XPO4: variants seen among roughly 807,000 people sequenced by gnomAD.
XPO4 encodes the protein exportin 4, also known as exportin-4.
In XPO4, 39 loss-of-function variants were observed where a neutral mutation model predicts 143.0. The ratio of observed to expected loss-of-function variants is 0.27; its 90% CI spans 0.21 to 0.36. XPO4 has a LOEUF of 0.36. Among genes scored for constraint, XPO4 ranks in the 10% least tolerant of loss-of-function variants. XPO4 has a pLI of 1.00. For synonymous variants in XPO4, 439 were observed against 474.0 expected, an observed-to-expected ratio of 0.93 and a Z score of 0.96; for missense variants, 907 against 1,348.0, an observed-to-expected ratio of 0.67 and a Z score of 5.12.
chr13:20,872,509 A>T (rs1007080231), intron 1 of XPO4, among the ~76,000 whole-genome samples: 3 of 152,198 alleles, frequency 2.0e-5, no homozygotes, highest in African/African-American at 7.2e-5. Flanking sequence ...AATAGCAACT[A>T]ACATTTATTG....
At chr13:20,860,304 A>G (rs1311772645) in intron 3 of XPO4, among the ~76,000 whole-genome samples, 1 of 152,238 alleles carries the variant, frequency 6.6e-6, no homozygotes, top group Non-Finnish European at 1.5e-5. Context: ...AAACTTCTAT[A>G]AACACAGAGG....
chr13:20,795,900 G>C (rs1206734024), intron 18 of XPO4, among the ~76,000 whole-genome samples, 176 bp downstream of exon 18: 1 of 152,154 alleles, frequency 6.6e-6, no homozygotes, highest in South Asian at 2.1e-4. Flanking sequence ...TCTTACAAGA[G>C]GAAAGGCAAG....
At chr13:20,844,335 T>C (rs1177763161) in intron 4 of XPO4, among the ~76,000 whole-genome samples, 2 of 152,212 alleles carry the variant, frequency 1.3e-5, no homozygotes, top group African/African-American at 4.8e-5. Flanking sequence ...GTAAAATGCA[T>C]TCCCAAATAG....
intron 7 of XPO4, among the ~76,000 whole-genome samples, chr13:20,823,930 G>C (rs1288543473): frequency 6.6e-6 from 1 of 152,200 alleles, no homozygotes; most frequent in African/African-American, 2.4e-5. Context: ...GGGATTACAG[G>C]CATGAGCCAC....
At chr13:20,894,268 A>G (rs758705655) in intron 1 of XPO4, among the ~76,000 whole-genome samples, 4 of 152,236 alleles carry the variant, frequency 2.6e-5, no homozygotes, top group African/African-American at 4.8e-5. Context: ...AAACAGAGAA[A>G]GAGTGAATCC....
chr13:20,793,125 CTT>C (rs1035459479), intron 18 of XPO4, among the ~76,000 whole-genome samples: 2 of 152,168 alleles, frequency 1.3e-5, no homozygotes, highest in African/African-American at 4.8e-5. Context: ...AGTCCATTAA[CTT>C]TGTTTTACAA....
rs924706518 is a variant in XPO4, at chr13:20,781,621, T to G, written c.*2101A>C. The G allele has an allele frequency of 3.3e-5, 5 of 152,478 alleles. No individual in the cohort carries two copies. Among genetic ancestry groups the G allele is most frequent in the African/African-American group, 1.2e-4 (5 of 41,444 alleles). The allele number at this position is 152,478 out of a possible 1,614,324, so 9.4% of individuals were successfully genotyped here. A position where few individuals can be genotyped will look rare whatever the true frequency, so the allele number is the denominator to read the frequency against. On this transcript the variant is annotated 3_prime_UTR_variant, in exon 23 of 23. Coordinates refer to ENST00000255305, the MANE Select transcript of XPO4 (RefSeq NM_022459.5). ...TGCCATCTGGATAAAAGTTATTAAATATAGATGCCTTTTTACTTACCAAGG... is the reference window on the plus strand; with the variant it reads ...TGCCATCTGGATAAAAGTTATTAAAGATAGATGCCTTTTTACTTACCAAGG...
chr13:20,876,497 T>A (rs1282178538), intron 1 of XPO4, among the ~76,000 whole-genome samples: 1 of 151,990 alleles, frequency 6.6e-6, no homozygotes, highest in Non-Finnish European at 1.5e-5. Context: ...AGGAAAAACA[T>A]AAAAGTAGAC....
intron 8 of XPO4, 89 bp downstream of exon 8, chr13:20,822,043 G>T: frequency 1.4e-6 from 2 of 1,458,316 alleles, no homozygotes; most frequent in Non-Finnish European, 9.2e-7. Context: ...AATATAAGGG[G>T]GAAAAAATAA....
chr13:20,821,902 T>C, intron 8 of XPO4, 24 bp from the exon 9 acceptor site: 1 of 1,581,814 alleles, frequency 6.3e-7, no homozygotes. Flanking sequence ...ATGAGTATTA[T>C]TAAGTGGCAG....
At chr13:20,850,274 A>G in intron 4 of XPO4, 1 of 981,572 alleles carries the variant, frequency 1.0e-6, no homozygotes, top group African/African-American at 1.7e-5. Context: ...CGGCACAAAT[A>G]CTTGCTGAAT....
intron 4 of XPO4, 69 bp from the exon 5 acceptor site, chr13:20,843,955 T>G (rs716480): frequency 0.26 from 299,950 of 1,157,056 alleles, 52,655 homozygotes; most frequent in East Asian, 0.79. Context: ...ATGCATTTGT[T>G]CAAACATAAT....
rs1370549141 is a variant in XPO4, at chr13:20,779,488, A to AAAACC, written c.*4233_*4234insGGTTT. The AAAACC allele has an allele frequency of 2.8e-5, 4 of 145,284 alleles. No homozygotes were observed. The highest frequency in any genetic ancestry group is 1.1e-4 in the African/African-American group (4 of 36,744). The allele number at this position is 145,284 out of a possible 1,614,324, so 9.0% of individuals were successfully genotyped here. A position where few individuals can be genotyped will look rare whatever the true frequency, so the allele number is the denominator to read the frequency against. Reference sequence around the variant, plus strand: ...GACGGGGAGAAAAAAAACCAAAACCAAAAAAAAAGACACCTCTCCAATTGC... The same window carrying AAAACC: ...GACGGGGAGAAAAAAAACCAAAACCAAAACCAAAAAAAAGACACCTCTCCAATTGC... On this transcript the variant is annotated 3_prime_UTR_variant, in exon 23 of 23. Coordinates refer to ENST00000255305, the MANE Select transcript of XPO4 (RefSeq NM_022459.5).
In XPO4 at chr13:20,779,993, T is replaced by C. The variant is rs1197041952; in HGVS notation, c.*3729A>G. 1 of 152,212 alleles carries C rather than the reference T, an allele frequency of 6.6e-6. No individual in the cohort carries two copies. Among genetic ancestry groups the C allele is most frequent in the Non-Finnish European group, 1.5e-5 (1 of 68,036 alleles). 9.4% of individuals were successfully genotyped at this position (152,212 alleles called of 1,614,324 possible). A position where few individuals can be genotyped will look rare whatever the true frequency, so the allele number is the denominator to read the frequency against. On this transcript the variant is annotated 3_prime_UTR_variant, in exon 23 of 23. Transcript: ENST00000255305. ...AGAACATAGTTACCAAGTCAGAGAA[T>C]AACCACTTATATTTTAAAAAGATTA...
At chr13:20,868,895 G>A (rs532451807) in intron 1 of XPO4, among the ~76,000 whole-genome samples, 194 bp from the exon 2 acceptor site, 1 of 152,110 alleles carries the variant, frequency 6.6e-6, no homozygotes, top group Non-Finnish European at 1.5e-5. Flanking sequence ...CAGAAAAAAG[G>A]AAAAAATTCC....
At chr13:20,837,074 T>C (rs2059924666) in intron 6 of XPO4, among the ~76,000 whole-genome samples, 1 of 152,208 alleles carries the variant, frequency 6.6e-6, no homozygotes, top group African/African-American at 2.4e-5. Flanking sequence ...CATCAGCTGA[T>C]GGACATTTGG....
intron 6 of XPO4, among the ~76,000 whole-genome samples, chr13:20,839,024 G>A (rs2138045889): frequency 6.6e-6 from 1 of 152,304 alleles, no homozygotes; most frequent in South Asian, 2.1e-4. Flanking sequence ...AGCACTTTGG[G>A]AGGTCGAGGC....
At chr13:20,838,697 C>G (rs1401310876) in intron 6 of XPO4, among the ~76,000 whole-genome samples, 1 of 151,510 alleles carries the variant, frequency 6.6e-6, no homozygotes, top group Non-Finnish European at 1.5e-5. Context: ...TGATAGATCA[C>G]TGCAACTTCA....
intron 7 of XPO4, among the ~76,000 whole-genome samples, chr13:20,824,514 C>A (rs765087519): frequency 6.6e-6 from 1 of 152,152 alleles, no homozygotes; most frequent in East Asian, 1.9e-4. Flanking sequence ...AACTGTCTTT[C>A]GAGACGGTGT....
Sources: allele counts gnomAD v4.1 joint callset (sites outside exome capture counted in the v4.1 genomes callset), GRCh38; gene constraint gnomAD v4.1.1; transcripts MANE v1.5; gene names NCBI Gene and HGNC (gene_info 2026-07-23, HGNC 2026-07-21).